PCNX1: variants seen among roughly 807,000 people sequenced by gnomAD.
PCNX1 encodes pecanex 1.
In PCNX1, 78 loss-of-function variants were observed where a neutral mutation model predicts 242.2. That is an observed-to-expected ratio of 0.32 (90% CI 0.27 to 0.39). The LOEUF (loss-of-function observed/expected upper bound fraction) is 0.39, where lower values mean the gene tolerates loss of function less well. PCNX1 is among the 10% of genes least tolerant of loss of function. The pLI, the probability that PCNX1 is intolerant of heterozygous loss-of-function variation, is 1.00. For missense variants in PCNX1, 2,581 were observed against 2,856.5 expected (o/e 0.90, Z 2.20); for synonymous variants, 1,024 against 1,032.9 (o/e 0.99, Z 0.17).
chr14:71,009,121 T>G lies in PCNX1; in HGVS notation c.2630-513T>G, dbSNP rs758296857. Among the ~76,000 whole-genome samples, 9 of 152,196 alleles carry G rather than the reference T, an allele frequency of 5.9e-5. No homozygotes were observed. In the South Asian group the frequency reaches 1.0e-3, roughly 18 times the overall value. ...AATAATGTTCATTAAATAATATAAT[T>G]TAATTATCACCAACAATACTAGCTC... is the stretch of plus-strand genomic sequence containing the variant. On this transcript the variant is annotated intron_variant, in intron 8 of 35. Coordinates refer to ENST00000304743, the MANE Select transcript of PCNX1 (RefSeq NM_014982.3).
chr14:70,940,234 T>G (rs972718568), intron 1 of PCNX1, among the ~76,000 whole-genome samples: 2 of 152,196 alleles, frequency 1.3e-5, no homozygotes, highest in Non-Finnish European at 2.9e-5. Flanking sequence ...TCAATGGTCT[T>G]TACAATTTGG....
intron 9 of PCNX1, chr14:71,010,003 A>G (rs993078931): frequency 3.5e-5 from 9 of 259,082 alleles, no homozygotes; most frequent in African/African-American, 1.5e-4. Context: ...GTGATTTTCA[A>G]GTATACAGTA....
chr14:70,977,811 A>C lies in PCNX1; in HGVS notation c.1474A>C (p.Lys492Gln). ...LSTSASEEAN[K>Q]NPHANEFTSQ... ...CACCTCTGCATCTGAAGAAGCCAAT[A>C]AAAATCCCCATGCAAATGAATTTAC... is the stretch of plus-strand genomic sequence containing the variant. Residue 492 changes from lysine to glutamine, a missense_variant, in exon 6 of 36, where the codon AAA (lysine) becomes CAA (glutamine). By Grantham distance (53) the Lys-to-Gln change is moderately conservative. Transcript: ENST00000304743. 6.2e-7 allele frequency: 1 copy of C among 1,614,132 alleles called. No individual in the cohort carries two copies. Among genetic ancestry groups the C allele is most frequent in the Non-Finnish European group, 8.5e-7 (1 of 1,180,024 alleles).
intron 1 of PCNX1, among the ~76,000 whole-genome samples, chr14:70,929,227 G>A (rs1363241966): frequency 1.3e-5 from 2 of 151,486 alleles, no homozygotes; most frequent in African/African-American, 4.9e-5. Flanking sequence ...AAGCTCTGCT[G>A]TACATTCAGT....
chr14:71,078,540 G>A (rs1252173374), intron 28 of PCNX1: 1 of 152,204 alleles, frequency 6.6e-6, no homozygotes, highest in East Asian at 1.9e-4. Flanking sequence ...GTATTAGCAA[G>A]AATTCTTGGT....
chr14:70,938,949 T>C (rs948225764), intron 1 of PCNX1, among the ~76,000 whole-genome samples: 8 of 152,210 alleles, frequency 5.3e-5, no homozygotes, highest in African/African-American at 1.4e-4. Context: ...GATGGTAGTT[T>C]GTATTTCTGT....
chr14:71,005,122 T>C (rs1416280808), intron 8 of PCNX1, among the ~76,000 whole-genome samples: 2 of 152,148 alleles, frequency 1.3e-5, no homozygotes, highest in Non-Finnish European at 2.9e-5. Flanking sequence ...CTTGGAAGAT[T>C]AGAAAAACAC....
At chr14:70,973,427 C>T (rs1003025928) in intron 5 of PCNX1, among the ~76,000 whole-genome samples, 15 of 151,944 alleles carry the variant, frequency 9.9e-5, no homozygotes, top group East Asian at 9.7e-4. Flanking sequence ...CAAGTGCTGC[C>T]GATAGGTCAG....
chr14:70,992,129 TTAG>T (rs2059183874), intron 7 of PCNX1, among the ~76,000 whole-genome samples: 1 of 152,020 alleles, frequency 6.6e-6, no homozygotes, highest in Non-Finnish European at 1.5e-5. Flanking sequence ...TTCTTCCCAG[TTAG>T]TAGGCCTAAA....
chr14:70,935,330 T>G (rs1398749222), intron 1 of PCNX1, among the ~76,000 whole-genome samples: 1 of 152,206 alleles, frequency 6.6e-6, no homozygotes, highest in South Asian at 2.1e-4. Flanking sequence ...GAGAATCACT[T>G]GAGGCCAAGA....
intron 8 of PCNX1, among the ~76,000 whole-genome samples, chr14:70,996,587 T>G (rs1370070849): frequency 6.6e-6 from 1 of 152,188 alleles, no homozygotes; most frequent in African/African-American, 2.4e-5. Context: ...GTCTTATGCA[T>G]TATTTAAGGG....
In PCNX1 at chr14:70,978,018, A is replaced by G; in HGVS notation, c.1681A>G (p.Arg561Gly). The change falls in exon 6 of 36, where the codon AGG becomes GGG. Residue 561 changes from arginine to glycine, a missense_variant. Arg to Gly is a moderately radical substitution (Grantham distance 125). Coordinates refer to ENST00000304743, the MANE Select transcript of PCNX1 (RefSeq NM_014982.3). Reference sequence around the variant, plus strand: ...GACAGCTTCTGCCCACAAGTCAGGCAGGAGACGCACAGGAAAAAAACGGGC... The same window carrying G: ...GACAGCTTCTGCCCACAAGTCAGGCGGGAGACGCACAGGAAAAAAACGGGC... ...HRTASAHKSG[R>G]RRTGKKRASS... The G allele has an allele frequency of 6.2e-7, 1 of 1,614,154 alleles. No individual in the cohort carries two copies. Among genetic ancestry groups the G allele is most frequent in the Non-Finnish European group, 8.5e-7 (1 of 1,180,030 alleles).
At position 70,927,304 on chromosome 14, in the gene PCNX1, AT is replaced by A. The variant is rs538511514; in HGVS notation, c.153+19302del. On this transcript the variant is annotated intron_variant, in intron 1 of 35. Transcript: ENST00000304743. Reference sequence around the variant, plus strand: ...GTTGCCTTTATGGTGGTAGTAGGATATGCTCTTCTACGTTTTTAAATTTTTT... The same window carrying A: ...GTTGCCTTTATGGTGGTAGTAGGATAGCTCTTCTACGTTTTTAAATTTTTT... Among the ~76,000 whole-genome samples the A allele has an allele frequency of 5.3e-5, 8 of 152,274 alleles. No individual in the cohort carries two copies. In the South Asian group the frequency reaches 1.7e-3, roughly 32 times the overall value.
chr14:71,022,826 A>G (rs141019537), intron 12 of PCNX1, among the ~76,000 whole-genome samples: 2 of 152,118 alleles, frequency 1.3e-5, no homozygotes, highest in African/African-American at 4.8e-5. Context: ...TATTTCCTGA[A>G]TGAATGATGT....
At chr14:71,009,522 A>T in intron 8 of PCNX1, 112 bp from the exon 9 acceptor site, 2 of 531,914 alleles carry the variant, frequency 3.8e-6, no homozygotes, top group Non-Finnish European at 6.2e-6. Flanking sequence ...AATTTTTTTT[A>T]AAGGTTATGG....
At chr14:71,030,009 G>A (rs2060337808) in intron 16 of PCNX1, among the ~76,000 whole-genome samples, 1 of 152,186 alleles carries the variant, frequency 6.6e-6, no homozygotes, top group African/African-American at 2.4e-5. Context: ...GTGGACATGT[G>A]TATTCATTTC....
intron 16 of PCNX1, among the ~76,000 whole-genome samples, chr14:71,030,544 G>A (rs558863168): frequency 6.6e-4 from 100 of 152,272 alleles, no homozygotes; most frequent in African/African-American, 2.2e-3. Flanking sequence ...AAGGGTGTGT[G>A]TAAGAAAACA....
chr14:71,040,695 ACT>A (rs2060678766), intron 19 of PCNX1, among the ~76,000 whole-genome samples: 2 of 151,818 alleles, frequency 1.3e-5, no homozygotes, highest in Non-Finnish European at 2.9e-5. Context: ...ATACAGTTAT[ACT>A]CTTAGTTATT....
intron 26 of PCNX1, among the ~76,000 whole-genome samples, chr14:71,068,592 G>GTA (rs1491578254): frequency 3.2e-5 from 1 of 31,740 alleles, no homozygotes; most frequent in East Asian, 4.1e-4. Context: ...ATGTACGTGC[G>GTA]TGTGTGTGTG....
Sources: gnomAD v4.1 joint callset for allele counts (sites outside exome capture counted in the v4.1 genomes callset) on GRCh38, gnomAD v4.1.1 for gene constraint, MANE v1.5 for transcripts, NCBI Gene and HGNC (gene_info 2026-07-23, HGNC 2026-07-21) for gene names.